Variants in CTNND2 observed in about 807,000 individuals in gnomAD.
CTNND2 encodes catenin delta 2.
A neutral mutation model predicts 144.4 loss-of-function variants in CTNND2; 22 were observed. That is an observed-to-expected ratio of 0.15 (90% confidence interval 0.11 to 0.22). CTNND2 has a LOEUF of 0.22. Among genes scored for constraint, CTNND2 ranks in the 10% least tolerant of loss-of-function variants. The pLI is 1.00. For synonymous variants in CTNND2, 751 were observed against 695.6 expected, an observed-to-expected ratio of 1.08 and a Z score of -1.25; for missense variants, 1,353 against 1,618.8, an observed-to-expected ratio of 0.84 and a Z score of 2.82.
At chr5:11,263,205 T>G (rs1032071031) in intron 9 of CTNND2, among the ~76,000 whole-genome samples, 1 of 152,246 alleles carries the variant, frequency 6.6e-6, no homozygotes, top group African/African-American at 2.4e-5. Flanking sequence ...CTCAACCTGC[T>G]TGACTTTATT....
At chr5:11,543,046 C>T (rs543873859) in intron 3 of CTNND2, among the ~76,000 whole-genome samples, 4 of 152,182 alleles carry the variant, frequency 2.6e-5, no homozygotes, top group Non-Finnish European at 5.9e-5. Context: ...GAACAACAAA[C>T]GAGAGTACTG....
chr5:11,852,979 CTCTT>C (rs1561859315), intron 1 of CTNND2, among the ~76,000 whole-genome samples: 1 of 152,230 alleles, frequency 6.6e-6, no homozygotes, highest in East Asian at 1.9e-4. Context: ...ATGTTTTTCT[CTCTT>C]TCTTTTCAAA....
chr5:11,005,307 C>G (rs184105894), intron 18 of CTNND2, among the ~76,000 whole-genome samples: 3 of 152,148 alleles, frequency 2.0e-5, no homozygotes, highest in African/African-American at 4.8e-5. Flanking sequence ...CGGAAGTCAG[C>G]GCAGGGAGGT....
chr5:11,483,166 T>C (rs1196683031), intron 3 of CTNND2, among the ~76,000 whole-genome samples: 1 of 152,156 alleles, frequency 6.6e-6, no homozygotes, highest in East Asian at 1.9e-4. Context: ...TGGGTAATTT[T>C]TGATGTCAGA....
chr5:11,274,578 C>T (rs554276305), intron 9 of CTNND2, among the ~76,000 whole-genome samples: 1,794 of 142,472 alleles, frequency 0.013, 28 homozygotes, highest in African/African-American at 0.044. Flanking sequence ...ATTTTGCTTT[C>T]GTTTTTTTTT....
chr5:11,540,924 G>A (rs963928428), intron 3 of CTNND2, among the ~76,000 whole-genome samples: 6 of 152,126 alleles, frequency 3.9e-5, no homozygotes, highest in Non-Finnish European at 7.3e-5. Flanking sequence ...GTGAATATTG[G>A]CTATTATTGT....
At chr5:11,881,042 C>T (rs955103549) in intron 1 of CTNND2, among the ~76,000 whole-genome samples, 1 of 148,668 alleles carries the variant, frequency 6.7e-6, no homozygotes, top group Non-Finnish European at 1.5e-5. Flanking sequence ...GCTACTAGTA[C>T]TACTACTACT....
At chr5:11,630,718 G>A (rs377488564) in intron 2 of CTNND2, among the ~76,000 whole-genome samples, 30 of 151,974 alleles carry the variant, frequency 2.0e-4, no homozygotes, top group Middle Eastern at 3.2e-3. Flanking sequence ...TTGGGAGGCC[G>A]AGGCAGGTGG....
At chr5:11,837,573 G>A (rs1415561238) in intron 1 of CTNND2, among the ~76,000 whole-genome samples, 1 of 152,132 alleles carries the variant, frequency 6.6e-6, no homozygotes, top group African/African-American at 2.4e-5. Context: ...CCTAGCTACT[G>A]GGTTTTAAGA....
chr5:11,844,022 C>T (rs1037627541), intron 1 of CTNND2, among the ~76,000 whole-genome samples: 1 of 152,114 alleles, frequency 6.6e-6, no homozygotes, highest in Non-Finnish European at 1.5e-5. Context: ...CAGTCTGAGT[C>T]CCAGTTGTCA....
At chr5:11,245,044 T>A (rs1475882594) in intron 9 of CTNND2, among the ~76,000 whole-genome samples, 1 of 152,250 alleles carries the variant, frequency 6.6e-6, no homozygotes, top group African/African-American at 2.4e-5. Context: ...TCAAATGTTA[T>A]AAACACAGGG....
At chr5:11,126,699 T>A (rs1434426951) in intron 12 of CTNND2, among the ~76,000 whole-genome samples, 1 of 152,204 alleles carries the variant, frequency 6.6e-6, no homozygotes, top group East Asian at 1.9e-4. Context: ...GGAAGTGACA[T>A]CTAGATATAC....
chr5:11,874,738 A>C (rs1344277420), intron 1 of CTNND2, among the ~76,000 whole-genome samples: 1 of 152,226 alleles, frequency 6.6e-6, no homozygotes, highest in Non-Finnish European at 1.5e-5. Context: ...TTTCTATTTA[A>C]TAGTTTTAGA....
In CTNND2 at chr5:11,662,177, A is replaced by ACATATATGTGTATATATG. The variant is rs1561668901; in HGVS notation, c.174+69941_174+69958dup. 1.8e-4 allele frequency among the ~76,000 whole-genome samples: 24 copies of ACATATATGTGTATATATG among 131,694 alleles called. 1 individual carries two copies. The highest frequency in any genetic ancestry group is 6.8e-4 in the African/African-American group (23 of 33,828). 86.4% of individuals were successfully genotyped at this position (131,694 alleles called of 152,430 possible). A position where few individuals can be genotyped will look rare whatever the true frequency, so the allele number is the denominator to read the frequency against. ...TATATGTGTATATATGTGTATATAT[A>ACATATATGTGTATATATG]CATATATGTGTATATATGTGTATAT... On this transcript the variant is annotated intron_variant, in intron 2 of 21. Coordinates refer to ENST00000304623, the MANE Select transcript of CTNND2 (RefSeq NM_001332.4).
intron 1 of CTNND2, among the ~76,000 whole-genome samples, chr5:11,778,740 CAT>C: frequency 6.6e-6 from 1 of 152,240 alleles, no homozygotes. Context: ...ACTGGAGAAA[CAT>C]TGAGGAAATA....
At chr5:11,147,936 A>G (rs1757408485) in intron 12 of CTNND2, among the ~76,000 whole-genome samples, 2 of 152,268 alleles carry the variant, frequency 1.3e-5, no homozygotes, top group South Asian at 2.1e-4. Flanking sequence ...CCATCAATGG[A>G]TAAGTGGATA....
intron 9 of CTNND2, among the ~76,000 whole-genome samples, chr5:11,346,003 T>G (rs1264595810): frequency 1.3e-5 from 2 of 152,194 alleles, no homozygotes; most frequent in African/African-American, 4.8e-5. Flanking sequence ...ATACGCATGA[T>G]GACAAAGCAT....
intron 3 of CTNND2, among the ~76,000 whole-genome samples, chr5:11,447,556 A>G (rs1764931702): frequency 6.6e-6 from 1 of 152,182 alleles, no homozygotes; most frequent in African/African-American, 2.4e-5. Flanking sequence ...CATAGGCACC[A>G]ATCAACAATA....
chr5:11,575,485 C>T (rs759014036), intron 2 of CTNND2, among the ~76,000 whole-genome samples: 12 of 152,240 alleles, frequency 7.9e-5, no homozygotes, highest in Middle Eastern at 3.4e-3. Context: ...CCCCTCTACT[C>T]TCTGTGTCAT....
Sources: gnomAD v4.1 joint callset for allele counts (sites outside exome capture counted in the v4.1 genomes callset) on GRCh38, gnomAD v4.1.1 for gene constraint, MANE v1.5 for transcripts, NCBI Gene and HGNC (gene_info 2026-07-23, HGNC 2026-07-21) for gene names.